SPTSSA: variants seen among roughly 807,000 people sequenced by gnomAD.
SPTSSA encodes small subunit of serine palmitoyltransferase A.
A neutral mutation model predicts 9.1 loss-of-function variants in SPTSSA; 8 were observed. That is an observed-to-expected ratio of 0.88 (90% CI 0.51 to 1.58). SPTSSA has a LOEUF of 1.58. SPTSSA is among the 40% of genes most tolerant of loss of function. SPTSSA has a pLI of 0.00. For missense variants in SPTSSA, 100 were observed against 93.8 expected, an observed-to-expected ratio of 1.07 and a Z score of -0.27; for synonymous variants, 42 against 37.7, an observed-to-expected ratio of 1.11 and a Z score of -0.41.
chr14:34,445,411 G>T (rs537998036), intron 1 of SPTSSA, among the ~76,000 whole-genome samples: 65 of 152,192 alleles, frequency 4.3e-4, no homozygotes, highest in African/African-American at 1.4e-3. Context: ...TGAGGCAGGA[G>T]AATTGCTTAA....
At chr14:34,446,302 G>A (rs1883421408) in intron 1 of SPTSSA, among the ~76,000 whole-genome samples, 1 of 152,160 alleles carries the variant, frequency 6.6e-6, no homozygotes, top group African/African-American at 2.4e-5. Context: ...CTCCCAAGAA[G>A]ATAGCATCCT....
intron 1 of SPTSSA, among the ~76,000 whole-genome samples, chr14:34,457,876 G>A (rs1878515166): frequency 6.6e-6 from 1 of 151,058 alleles, no homozygotes; most frequent in Non-Finnish European, 1.5e-5. Flanking sequence ...GGAGGCTGAG[G>A]CAGGAGAATC....
rs141966318 is a variant in SPTSSA at position 34,457,013 on chromosome 14, C to A, written c.112+5083G>T. 8.5e-3 allele frequency among the ~76,000 whole-genome samples: 1,274 copies of A among 149,612 alleles called. 11 individuals carry two copies. The highest frequency in any genetic ancestry group is 0.03 in the African/African-American group (1,210 of 40,148). ...ATTATTTTGAGACGGAGCATTTGCT[C>A]TGTTGCCCAGGCTGGAGTACAATGG... On this transcript the variant is annotated intron_variant, in intron 1 of 1. Transcript: ENST00000298130.
chr14:34,445,373 C>T (rs2138824194), intron 1 of SPTSSA, among the ~76,000 whole-genome samples: 1 of 152,138 alleles, frequency 6.6e-6, no homozygotes, highest in African/African-American at 2.4e-5. Context: ...TGGTGGCATG[C>T]ACCTGTAATC....
chr14:34,458,340 C>T (rs144957878), intron 1 of SPTSSA, among the ~76,000 whole-genome samples: 3 of 151,882 alleles, frequency 2.0e-5, no homozygotes, highest in Non-Finnish European at 4.4e-5. Flanking sequence ...TACACTACTA[C>T]ACCCGGCTAA....
At chr14:34,436,945 AAAAG>A (rs1010871885) in intron 1 of SPTSSA, among the ~76,000 whole-genome samples, 2 of 152,076 alleles carry the variant, frequency 1.3e-5, no homozygotes, top group African/African-American at 2.4e-5. Flanking sequence ...TAAAAAAAAA[AAAAG>A]AGAGAAAGAA....
intron 1 of SPTSSA, among the ~76,000 whole-genome samples, chr14:34,457,936 C>T (rs929945027): frequency 7.1e-6 from 1 of 141,052 alleles, no homozygotes; most frequent in Non-Finnish European, 1.5e-5. Context: ...CGCACCACTG[C>T]ACTCCAGCCT....
chr14:34,444,403 G>A (rs561986693), intron 1 of SPTSSA, among the ~76,000 whole-genome samples: 4 of 152,118 alleles, frequency 2.6e-5, no homozygotes, highest in Admixed American at 1.3e-4. Flanking sequence ...AGCTATGCTA[G>A]AAACAGTCAA....
At chr14:34,457,987 A>C (rs1165843901) in intron 1 of SPTSSA, among the ~76,000 whole-genome samples, 2 of 149,248 alleles carry the variant, frequency 1.3e-5, no homozygotes, top group Middle Eastern at 3.2e-3. Flanking sequence ...AAAAAAAAAA[A>C]AAACAAAGAA....
intron 1 of SPTSSA, among the ~76,000 whole-genome samples, chr14:34,450,579 G>A (rs575474922): frequency 6.6e-6 from 1 of 151,492 alleles, no homozygotes; most frequent in South Asian, 2.1e-4. Context: ...TATTCTAGAG[G>A]GGGTTCCATG....
At chr14:34,462,072 G>A in intron 1 of SPTSSA, 24 bp downstream of exon 1, 1 of 1,333,812 alleles carries the variant, frequency 7.5e-7, no homozygotes, top group South Asian at 1.8e-5. Flanking sequence ...CCCGGCCCCC[G>A]CGCGCGCGGC....
chr14:34,437,662 G>C (rs2138816543), intron 1 of SPTSSA, among the ~76,000 whole-genome samples: 1 of 152,286 alleles, frequency 6.6e-6, no homozygotes, highest in South Asian at 2.1e-4. Context: ...TTACCTCCAT[G>C]AGGAAAGCAA....
At chr14:34,442,990 G>C (rs570926373) in intron 1 of SPTSSA, among the ~76,000 whole-genome samples, 3 of 145,674 alleles carry the variant, frequency 2.1e-5, no homozygotes, top group South Asian at 4.4e-4. Context: ...GTGTGAGATG[G>C]AGTTTCCCTC....
At chr14:34,446,025 G>T (rs916471441) in intron 1 of SPTSSA, among the ~76,000 whole-genome samples, 4 of 152,192 alleles carry the variant, frequency 2.6e-5, no homozygotes, top group African/African-American at 9.6e-5. Context: ...CTGATATCTG[G>T]TTGTATAAAA....
At chr14:34,437,589 C>T (rs1883259480) in intron 1 of SPTSSA, among the ~76,000 whole-genome samples, 1 of 152,182 alleles carries the variant, frequency 6.6e-6, no homozygotes, top group Admixed American at 6.5e-5. Context: ...AATTCAGGAA[C>T]ATAGATGCTC....
At chr14:34,450,562 A>T (rs535613005) in intron 1 of SPTSSA, among the ~76,000 whole-genome samples, 1 of 152,348 alleles carries the variant, frequency 6.6e-6, no homozygotes, top group Non-Finnish European at 1.5e-5. Context: ...CAAATTAATC[A>T]GGTCTATATT....
At chr14:34,455,713 C>T (rs549648637) in intron 1 of SPTSSA, among the ~76,000 whole-genome samples, 14 of 151,968 alleles carry the variant, frequency 9.2e-5, no homozygotes, top group African/African-American at 2.2e-4. Flanking sequence ...GAGAGGATCA[C>T]GTGAGGTCAG....
chr14:34,459,301 A>T (rs1878562332), intron 1 of SPTSSA, among the ~76,000 whole-genome samples: 1 of 150,310 alleles, frequency 6.7e-6, no homozygotes, highest in Non-Finnish European at 1.5e-5. Flanking sequence ...TCTATTAAAA[A>T]TACAAAAATT....
rs748728037 is a variant in SPTSSA, at chr14:34,462,186, G to C, written c.22C>G (p.Arg8Gly). The C allele has an allele frequency of 9.8e-6, 15 of 1,531,680 alleles. No individual in the cohort carries two copies. The highest frequency in any genetic ancestry group is 2.9e-5 in the African/African-American group (2 of 69,306). The allele number at this position is 1,531,680 out of a possible 1,614,324, so 94.9% of individuals were successfully genotyped here. ...AACCAGGACATCTGCTTCCAGGCCC[G>C]CGCCAGCGCCATCCCCGCCATGCGC... The part of the protein sequence containing the change: MAGMALA[R>G]AWKQMSWFYY... Residue 8 changes from arginine (R) to glycine (G), a missense_variant, in exon 1 of 2, where the codon CGG becomes GGG. Arg to Gly is a moderately radical substitution (Grantham distance 125, BLOSUM62 -2). Coordinates refer to ENST00000298130, the MANE Select transcript of SPTSSA (RefSeq NM_138288.4).
Sources: gnomAD v4.1 joint callset for allele counts (sites outside exome capture counted in the v4.1 genomes callset) on GRCh38, gnomAD v4.1.1 for gene constraint, MANE v1.5 for transcripts, NCBI Gene and HGNC (gene_info 2026-07-23, HGNC 2026-07-21) for gene names.